Variants in USP26 observed in about 807,000 individuals in gnomAD.
USP26 encodes the protein ubiquitin specific peptidase 26, also known as ubiquitin carboxyl-terminal hydrolase 26.
For synonymous variants in USP26, 236 were observed against 240.6 expected, an observed-to-expected ratio of 0.98 and a Z score of 0.18; for missense variants, 649 against 642.3, an observed-to-expected ratio of 1.01 and a Z score of -0.11.
At chrX:133,031,227 G>GT (rs770405282) in intron 5 of USP26, among the ~76,000 whole-genome samples, 2 of 112,250 alleles carry the variant, frequency 1.8e-5, no homozygotes, top group East Asian at 5.6e-4. Context: ...CATGAATGCA[G>GT]TAAGTGGAAA....
chrX:133,034,587 C>T lies in USP26; in HGVS notation c.-76-6291G>A, dbSNP rs1244817932. On this transcript the variant is annotated intron_variant, in intron 5 of 5. Transcript: ENST00000511190. ...AGTATCTTTGATCATTTTTAAAGGA[C>T]CTATAAAATGAGACTTTTCTTCTTG... Among the ~76,000 whole-genome samples, 12 of 112,215 alleles carry T rather than the reference C, an allele frequency of 1.1e-4. 2 individuals are homozygous for T. The highest frequency in any genetic ancestry group is 1.0e-3 in the Admixed American group (11 of 10,596).
chrX:133,061,651 C>T (rs142672198), intron 5 of USP26, among the ~76,000 whole-genome samples: 3,916 of 111,759 alleles, frequency 0.035, 99 homozygotes, highest in East Asian at 0.1. Flanking sequence ...CTACAGAGGG[C>T]GAGCAGAAGC....
chrX:133,074,403 A>G (rs1429959119), intron 5 of USP26, among the ~76,000 whole-genome samples: 2 of 112,201 alleles, frequency 1.8e-5, no homozygotes, highest in African/African-American at 6.5e-5. Context: ...GTGCACTGGA[A>G]TAGTTCTTTG....
intron 4 of USP26, among the ~76,000 whole-genome samples, chrX:133,087,489 C>T (rs1306906501): frequency 8.9e-6 from 1 of 111,940 alleles, no homozygotes; most frequent in Non-Finnish European, 1.9e-5. Flanking sequence ...TGTGACAACA[C>T]TTGAAATTGG....
At chrX:133,076,249 A>G (rs2148535495) in intron 5 of USP26, among the ~76,000 whole-genome samples, 2 of 111,794 alleles carry the variant, frequency 1.8e-5, no homozygotes, top group South Asian at 7.6e-4. Flanking sequence ...TTCATCTAGC[A>G]AGAAACAGAA....
intron 5 of USP26, among the ~76,000 whole-genome samples, chrX:133,043,973 A>G (rs1467543864): frequency 8.9e-6 from 1 of 112,056 alleles, no homozygotes; most frequent in Non-Finnish European, 1.9e-5. Flanking sequence ...GCTCAAAAAG[A>G]AGTAAGTCCA....
chrX:133,044,710 C>A (rs2067432441), intron 5 of USP26, among the ~76,000 whole-genome samples: 1 of 113,304 alleles, frequency 8.8e-6, no homozygotes, highest in Admixed American at 9.2e-5. Flanking sequence ...ACGAGCGTCA[C>A]CCCCTGCTCC....
chrX:133,087,701 G>A (rs756278280), intron 4 of USP26, among the ~76,000 whole-genome samples: 1 of 112,238 alleles, frequency 8.9e-6, no homozygotes, highest in African/African-American at 3.2e-5. Context: ...TGTGTGTATA[G>A]CACGTTTTCA....
rs2067340725 is a variant in USP26, at chrX:133,025,281, T to C, written c.*198A>G. 1.1e-5 allele frequency: 6 copies of C among 546,500 alleles called. No homozygotes were observed. Among genetic ancestry groups the C allele is most frequent in the Non-Finnish European group, 2.8e-6 (1 of 350,889 alleles). The allele number at this position is 546,500 out of a possible 1,213,427, so 45.0% of individuals were successfully genotyped here. A position where few individuals can be genotyped will look rare whatever the true frequency, so the allele number is the denominator to read the frequency against. On this transcript the variant is annotated 3_prime_UTR_variant, in exon 6 of 6. Coordinates refer to ENST00000511190, the MANE Select transcript of USP26 (RefSeq NM_031907.3). ...GTCTTGTAGGAGAGAAGGATGCTCATCAGCCAGAGCTATGGGATTGAGGTG... is the reference window on the plus strand; with the variant it reads ...GTCTTGTAGGAGAGAAGGATGCTCACCAGCCAGAGCTATGGGATTGAGGTG...
intron 5 of USP26, among the ~76,000 whole-genome samples, chrX:133,046,097 CA>C (rs2067439268): frequency 9.0e-6 from 1 of 111,521 alleles, no homozygotes; most frequent in African/African-American, 3.3e-5. Flanking sequence ...TCCTCATCCC[CA>C]AAAAGCCTTG....
rs756973754 is a variant in USP26, at chrX:133,040,308, G to T, written c.-76-12012C>A. On this transcript the variant is annotated intron_variant, in intron 5 of 5. Transcript: ENST00000511190. The stretch of plus-strand genomic sequence containing the variant: ...GTATCATTAGTCTTTATATTTTGGT[G>T]TGTTTTTGCAGTGGCTGGTACCGGT... Among the ~76,000 whole-genome samples, 3 of 111,719 alleles carry T rather than the reference G, an allele frequency of 2.7e-5. No individual in the cohort carries two copies. In the South Asian group the frequency reaches 1.1e-3, roughly 42 times the overall value.
intron 5 of USP26, among the ~76,000 whole-genome samples, chrX:133,079,954 A>G (rs766779869): frequency 2.7e-5 from 3 of 111,840 alleles, no homozygotes; most frequent in Non-Finnish European, 5.6e-5. Flanking sequence ...AGGTGGACAT[A>G]TATTAGTTAC....
At chrX:133,053,626 G>A (rs1423272154) in intron 5 of USP26, among the ~76,000 whole-genome samples, 1 of 111,023 alleles carries the variant, frequency 9.0e-6, no homozygotes, top group Non-Finnish European at 1.9e-5. Context: ...CAAGCAAAGA[G>A]TATAGGATTA....
intron 5 of USP26, among the ~76,000 whole-genome samples, chrX:133,032,558 A>G (rs2148526494): frequency 8.9e-6 from 1 of 112,233 alleles, no homozygotes; most frequent in Admixed American, 9.5e-5. Context: ...TTAGGCTAAT[A>G]GTCATATATT....
intron 5 of USP26, among the ~76,000 whole-genome samples, chrX:133,032,288 G>A (rs1474982328): frequency 9.0e-6 from 1 of 111,704 alleles, no homozygotes; most frequent in East Asian, 2.8e-4. Context: ...GTTCTGGGAA[G>A]GCCTAACACG....
At chrX:133,045,709 G>A (rs1313736137) in intron 5 of USP26, among the ~76,000 whole-genome samples, 3 of 111,166 alleles carry the variant, frequency 2.7e-5, no homozygotes, top group African/African-American at 3.3e-5. Flanking sequence ...CCCACCAGAA[G>A]GAAGAAACTC....
chrX:133,061,599 C>T (rs1231084786), intron 5 of USP26, among the ~76,000 whole-genome samples: 1 of 112,095 alleles, frequency 8.9e-6, no homozygotes, highest in African/African-American at 3.2e-5. Context: ...AACTGAGGTA[C>T]CCTGTTAATC....
intron 5 of USP26, among the ~76,000 whole-genome samples, chrX:133,035,601 C>T (rs2067393535): frequency 8.9e-6 from 1 of 111,783 alleles, no homozygotes; most frequent in African/African-American, 3.3e-5. Context: ...AGCCAACATC[C>T]CACCTGCCTC....
At chrX:133,029,897 GA>G (rs975387606) in intron 5 of USP26, among the ~76,000 whole-genome samples, 3 of 111,820 alleles carry the variant, frequency 2.7e-5, no homozygotes, top group Admixed American at 9.5e-5. Flanking sequence ...TAAAGGTTAA[GA>G]ACCATCTTGC....
Sources: allele counts gnomAD v4.1 joint callset (sites outside exome capture counted in the v4.1 genomes callset), GRCh38; gene constraint gnomAD v4.1.1; transcripts MANE v1.5; gene names NCBI Gene and HGNC (gene_info 2026-07-23, HGNC 2026-07-21).